The following ARMH3 variants were observed in gnomAD, a reference collection of about 807,000 sequenced individuals.
ARMH3 encodes the protein armadillo-like helical domain-containing protein 3.
A neutral mutation model predicts 99.1 loss-of-function variants in ARMH3; 60 were observed. That is an observed-to-expected ratio of 0.61 (90% CI 0.49 to 0.75). The LOEUF (loss-of-function observed/expected upper bound fraction) is 0.75, where lower values mean the gene tolerates loss of function less well. Among genes scored for constraint, ARMH3 ranks in the 30% least tolerant of loss-of-function variants. The pLI, the probability that ARMH3 is intolerant of heterozygous loss-of-function variation, is 0.00. For synonymous variants in ARMH3, 285 were observed against 292.8 expected, an observed-to-expected ratio of 0.97 and a Z score of 0.27; for missense variants, 679 against 843.1, an observed-to-expected ratio of 0.81 and a Z score of 2.41.
At chr10:101,943,803 G>A (rs1479784745) in intron 22 of ARMH3, among the ~76,000 whole-genome samples, 2 of 152,006 alleles carry the variant, frequency 1.3e-5, no homozygotes, top group African/African-American at 4.8e-5. Context: ...GGTGGTTCAT[G>A]CCTGTAATCC....
intron 19 of ARMH3, among the ~76,000 whole-genome samples, chr10:101,976,168 CA>C (rs780547260): frequency 0.19 from 4,363 of 23,082 alleles, 16 homozygotes; most frequent in African/African-American, 0.23. Context: ...GACTCTGTCT[CA>C]AAAAAAAAAA....
chr10:101,961,562 G>A (rs1002935105), intron 20 of ARMH3, among the ~76,000 whole-genome samples: 3 of 152,140 alleles, frequency 2.0e-5, no homozygotes, highest in African/African-American at 7.2e-5. Context: ...AAAAAAGACA[G>A]GTTTAGGCCA....
chr10:102,002,238 G>C (rs1291872011), intron 14 of ARMH3, among the ~76,000 whole-genome samples, 166 bp from the exon 15 acceptor site: 1 of 151,980 alleles, frequency 6.6e-6, no homozygotes, highest in Non-Finnish European at 1.5e-5. Flanking sequence ...CTCTTCCTAA[G>C]CCTGTAGAGC....
intron 23 of ARMH3, among the ~76,000 whole-genome samples, chr10:101,932,618 C>T (rs956317976): frequency 1.3e-5 from 2 of 152,176 alleles, no homozygotes; most frequent in Non-Finnish European, 2.9e-5. Context: ...ACAACACGGA[C>T]GAACCTTGAG....
chr10:101,875,789 A>AC (rs1290083711), intron 24 of ARMH3, among the ~76,000 whole-genome samples: 1 of 152,104 alleles, frequency 6.6e-6, no homozygotes, highest in Non-Finnish European at 1.5e-5. Flanking sequence ...AGTCACCCCC[A>AC]CCTCCCTGAC....
intron 1 of ARMH3, among the ~76,000 whole-genome samples, chr10:102,051,336 G>C (rs1483028348): frequency 6.6e-6 from 1 of 151,568 alleles, no homozygotes; most frequent in Non-Finnish European, 1.5e-5. Context: ...AGCTGGGTGT[G>C]GTGGAGGGGG....
chr10:101,948,280 A>C (rs1479596506), intron 22 of ARMH3, among the ~76,000 whole-genome samples: 1 of 151,020 alleles, frequency 6.6e-6, no homozygotes, highest in African/African-American at 2.4e-5. Context: ...AGTCCCACCT[A>C]CTCAGGAGGC....
In ARMH3 at chr10:102,047,074, G is replaced by C. The variant is rs768540963; in HGVS notation, c.-11-6949C>G. 2.7e-4 allele frequency among the ~76,000 whole-genome samples: 41 copies of C among 152,276 alleles called. 2 individuals carry two copies. Among genetic ancestry groups the C allele is most frequent in the Admixed American group, 7.9e-4 (12 of 15,276 alleles). ...ATTCACAGGAATGGCAGAAAACTTG[G>C]AGGGAAAAACAGGAGAAGAATCTGA... On this transcript the variant is annotated intron_variant, in intron 1 of 25. Coordinates refer to ENST00000370033, the MANE Select transcript of ARMH3 (RefSeq NM_024541.3).
At chr10:102,032,830 T>TA (rs2067163365) in intron 4 of ARMH3, 196 bp downstream of exon 4, 1 of 549,472 alleles carries the variant, frequency 1.8e-6, no homozygotes, top group Non-Finnish European at 3.1e-6. Context: ...TACAAATGGA[T>TA]ACGATTACTC....
chr10:101,955,510 A>C (rs1175456625), intron 22 of ARMH3, among the ~76,000 whole-genome samples: 1 of 152,196 alleles, frequency 6.6e-6, no homozygotes, highest in African/African-American at 2.4e-5. Context: ...CTTCTCTAAA[A>C]AATAAAGTAT....
chr10:101,971,642 AT>A (rs1293029539), intron 20 of ARMH3, among the ~76,000 whole-genome samples: 1 of 152,256 alleles, frequency 6.6e-6, no homozygotes, highest in Non-Finnish European at 1.5e-5. Context: ...GGAACTTAAA[AT>A]TAAGACAGAG....
At chr10:101,995,022 C>T (rs1313134767) in intron 16 of ARMH3, among the ~76,000 whole-genome samples, 4 of 152,100 alleles carry the variant, frequency 2.6e-5, no homozygotes, top group Admixed American at 6.6e-5. Context: ...GGCAACAGAG[C>T]GATACTCCGT....
At chr10:101,849,946 T>C in intron 24 of ARMH3, 54 bp from the exon 25 acceptor site, 1 of 1,517,410 alleles carries the variant, frequency 6.6e-7, no homozygotes, top group Non-Finnish European at 9.1e-7. Flanking sequence ...CCCACAACCC[T>C]GAGCCCCATT....
intron 19 of ARMH3, among the ~76,000 whole-genome samples, chr10:101,976,867 G>A (rs936501793): frequency 3.9e-5 from 6 of 152,052 alleles, no homozygotes; most frequent in African/African-American, 1.4e-4. Flanking sequence ...TGGCCAGGTT[G>A]GTCTAGAACT....
intron 8 of ARMH3, among the ~76,000 whole-genome samples, chr10:102,019,713 G>T (rs1189021250): frequency 6.6e-6 from 1 of 151,626 alleles, no homozygotes; most frequent in Non-Finnish European, 1.5e-5. Context: ...GGATCACAAG[G>T]TCAGGAGATC....
intron 2 of ARMH3, among the ~76,000 whole-genome samples, chr10:102,035,923 G>A (rs1390555722): frequency 2.6e-5 from 4 of 151,610 alleles, no homozygotes; most frequent in African/African-American, 7.3e-5. Context: ...AGTGAGGAGC[G>A]CCTCTTCCCA....
intron 9 of ARMH3, among the ~76,000 whole-genome samples, 171 bp downstream of exon 9, chr10:102,013,797 G>A (rs1222964850): frequency 6.6e-6 from 1 of 152,162 alleles, no homozygotes; most frequent in Non-Finnish European, 1.5e-5. Flanking sequence ...TAAGTCAGAA[G>A]ACAGTAAAAC....
intron 1 of ARMH3, among the ~76,000 whole-genome samples, chr10:102,054,176 G>A (rs2067779525): frequency 6.6e-6 from 1 of 152,066 alleles, no homozygotes; most frequent in Non-Finnish European, 1.5e-5. Flanking sequence ...GGATCACGAG[G>A]TCAGGAGTTG....
At chr10:101,983,707 C>T (rs548312258) in intron 19 of ARMH3, among the ~76,000 whole-genome samples, 149 of 152,332 alleles carry the variant, frequency 9.8e-4, no homozygotes, top group African/African-American at 3.4e-3. Flanking sequence ...CACACCCCAA[C>T]TCCATGGGGT....
Sources: allele counts gnomAD v4.1 joint callset (sites outside exome capture counted in the v4.1 genomes callset), GRCh38; gene constraint gnomAD v4.1.1; transcripts MANE v1.5; gene names NCBI Gene and HGNC (gene_info 2026-07-23, HGNC 2026-07-21).